Variants in KIAA1328 observed in about 807,000 individuals in gnomAD.
KIAA1328 encodes the protein KIAA1328.
Under a neutral mutation model 68.1 loss-of-function variants are expected in KIAA1328, and 52 were observed. The observed-to-expected ratio is 0.76, with a 90% CI of 0.61 to 0.96. The LOEUF (loss-of-function observed/expected upper bound fraction) is 0.96. Among genes scored for constraint, KIAA1328 ranks in the 40% least tolerant of loss-of-function variants. The probability of loss-of-function intolerance (pLI) is 0.00; values close to 1 mark genes in which losing one functional copy is unlikely to be tolerated. For synonymous variants in KIAA1328, 232 were observed against 239.4 expected, an observed-to-expected ratio of 0.97 and a Z score of 0.28; for missense variants, 641 against 677.6, an observed-to-expected ratio of 0.95 and a Z score of 0.60.
chr18:37,174,005 A>G (rs2059549171), intron 9 of KIAA1328, among the ~76,000 whole-genome samples: 1 of 152,198 alleles, frequency 6.6e-6, no homozygotes, highest in East Asian at 1.9e-4. Flanking sequence ...AAAGGTAAGC[A>G]TCTTAAAGAA....
At chr18:36,851,865 G>A (rs190735014) in intron 4 of KIAA1328, among the ~76,000 whole-genome samples, 200 of 151,936 alleles carry the variant, frequency 1.3e-3, no homozygotes, top group Non-Finnish European at 2.4e-3. Context: ...TCCTTAAGGT[G>A]TAAAGTTAAG....
intron 5 of KIAA1328, among the ~76,000 whole-genome samples, chr18:36,905,254 G>A (rs1483051803): frequency 6.6e-6 from 1 of 151,884 alleles, no homozygotes; most frequent in African/African-American, 2.4e-5. Flanking sequence ...TGGGACTAGA[G>A]GCATACACCA....
chr18:36,949,941 C>G (rs1385627412), intron 5 of KIAA1328, among the ~76,000 whole-genome samples: 3 of 152,204 alleles, frequency 2.0e-5, no homozygotes, highest in Admixed American at 2.0e-4. Context: ...AGATTTCAGA[C>G]TTGTATCAGT....
intron 6 of KIAA1328, among the ~76,000 whole-genome samples, chr18:37,017,345 AT>A (rs911008829): frequency 6.6e-6 from 1 of 152,010 alleles, no homozygotes; most frequent in Admixed American, 6.6e-5. Flanking sequence ...TACGATTTCA[AT>A]TTTTTTAATT....
chr18:36,910,814 A>G (rs73417128), intron 5 of KIAA1328, among the ~76,000 whole-genome samples: 22,727 of 151,974 alleles, frequency 0.15, 1,808 homozygotes, highest in African/African-American at 0.18. Flanking sequence ...AGTGGTTTGT[A>G]GTTCTCCTTT....
intron 6 of KIAA1328, among the ~76,000 whole-genome samples, chr18:36,989,556 A>C (rs2053084138): frequency 6.6e-6 from 1 of 152,166 alleles, no homozygotes; most frequent in African/African-American, 2.4e-5. Flanking sequence ...TGGTTTCTTT[A>C]AATCATTAAG....
At chr18:36,899,180 C>T (rs1317757902) in intron 5 of KIAA1328, among the ~76,000 whole-genome samples, 1 of 149,556 alleles carries the variant, frequency 6.7e-6, no homozygotes, top group Non-Finnish European at 1.5e-5. Context: ...TCTTAGTTTG[C>T]CAAGAATTTT....
At chr18:37,128,235 A>G (rs896004359) in intron 7 of KIAA1328, among the ~76,000 whole-genome samples, 1 of 152,132 alleles carries the variant, frequency 6.6e-6, no homozygotes, top group African/African-American at 2.4e-5. Flanking sequence ...TTGGGAGGCC[A>G]AGGTTGGTGG....
At chr18:37,036,635 C>T (rs1191101010) in intron 6 of KIAA1328, among the ~76,000 whole-genome samples, 2 of 152,154 alleles carry the variant, frequency 1.3e-5, no homozygotes, top group Non-Finnish European at 2.9e-5. Flanking sequence ...GCCACCTGCT[C>T]TTTTTATTTG....
At chr18:37,052,640 CTAA>C (rs1295658227) in intron 6 of KIAA1328, among the ~76,000 whole-genome samples, 2 of 151,698 alleles carry the variant, frequency 1.3e-5, no homozygotes, top group African/African-American at 4.8e-5. Flanking sequence ...AACAAATTCA[CTAA>C]GGTTTCAGAA....
At chr18:36,873,919 T>C (rs1295125173) in intron 4 of KIAA1328, among the ~76,000 whole-genome samples, 1 of 152,188 alleles carries the variant, frequency 6.6e-6, no homozygotes, top group Non-Finnish European at 1.5e-5. Context: ...CTCCCACTTA[T>C]GAGTGAGAAC....
chr18:37,151,254 A>C (rs2154209985), intron 7 of KIAA1328, among the ~76,000 whole-genome samples: 1 of 152,294 alleles, frequency 6.6e-6, no homozygotes, highest in South Asian at 2.1e-4. Context: ...TAACCACAAA[A>C]TACTGCTGAG....
chr18:37,216,418 A>T (rs1185821560), intron 9 of KIAA1328, among the ~76,000 whole-genome samples: 1 of 152,150 alleles, frequency 6.6e-6, no homozygotes, highest in Non-Finnish European at 1.5e-5. Context: ...GTAGTCATTC[A>T]GGAGCAGGTT....
intron 7 of KIAA1328, among the ~76,000 whole-genome samples, chr18:37,096,402 T>G (rs1455635020): frequency 6.6e-6 from 1 of 152,204 alleles, no homozygotes; most frequent in African/African-American, 2.4e-5. Flanking sequence ...ACAAAGGACA[T>G]GAACTCATCA....
intron 5 of KIAA1328, among the ~76,000 whole-genome samples, chr18:36,958,285 AT>A (rs1568215080): frequency 1.3e-5 from 2 of 152,282 alleles, no homozygotes; most frequent in East Asian, 3.9e-4. Flanking sequence ...GTGTGTACAT[AT>A]GTTTTTTAAA....
At chr18:37,148,540 G>A (rs939881156) in intron 7 of KIAA1328, among the ~76,000 whole-genome samples, 1 of 152,126 alleles carries the variant, frequency 6.6e-6, no homozygotes, top group Non-Finnish European at 1.5e-5. Context: ...TTGAGGAATC[G>A]CCACACTGTC....
At chr18:37,054,854 A>G (rs1431590549) in intron 6 of KIAA1328, among the ~76,000 whole-genome samples, 5 of 152,222 alleles carry the variant, frequency 3.3e-5, no homozygotes. Flanking sequence ...TGAATCTGGT[A>G]GTTACTGTTA....
chr18:37,099,038 T>C (rs942241519), intron 7 of KIAA1328, among the ~76,000 whole-genome samples: 1 of 152,202 alleles, frequency 6.6e-6, no homozygotes, highest in Admixed American at 6.5e-5. Flanking sequence ...CCTGGATTCA[T>C]TGATTTTTTT....
intron 4 of KIAA1328, among the ~76,000 whole-genome samples, chr18:36,881,136 G>GT (rs765071340): frequency 0.062 from 8,118 of 131,486 alleles, 681 homozygotes; most frequent in African/African-American, 0.19. Flanking sequence ...AAGTTAACTT[G>GT]TTTTTTTTTT....
Sources: gnomAD v4.1 joint callset for allele counts (sites outside exome capture counted in the v4.1 genomes callset) on GRCh38, gnomAD v4.1.1 for gene constraint, MANE v1.5 for transcripts, NCBI Gene and HGNC (gene_info 2026-07-23, HGNC 2026-07-21) for gene names.